CNTNAP5: variants seen among roughly 807,000 people sequenced by gnomAD.
CNTNAP5 encodes the protein contactin-associated protein-like 5.
A neutral mutation model predicts 150.2 loss-of-function variants in CNTNAP5; 72 were observed. The ratio of observed to expected loss-of-function variants is 0.48; its 90% CI spans 0.40 to 0.58. CNTNAP5 has a LOEUF of 0.58. Ranked by LOEUF, CNTNAP5 falls within the 20% of genes least tolerant of loss-of-function variation. CNTNAP5 has a pLI of 0.00. For synonymous variants in CNTNAP5, 672 were observed against 619.8 expected (o/e 1.08, Z -1.25); for missense variants, 1,636 against 1,626.2 (o/e 1.01, Z -0.10).
At chr2:124,670,421 T>A (rs1471570305) in intron 13 of CNTNAP5, among the ~76,000 whole-genome samples, 1 of 151,972 alleles carries the variant, frequency 6.6e-6, no homozygotes, top group Non-Finnish European at 1.5e-5. Context: ...ATTGAGTTGT[T>A]TGTCTTTTTG....
At chr2:124,692,937 C>T (rs967503632) in intron 13 of CNTNAP5, among the ~76,000 whole-genome samples, 1 of 152,070 alleles carries the variant, frequency 6.6e-6, no homozygotes, top group African/African-American at 2.4e-5. Flanking sequence ...CTTGTGATTC[C>T]CCAAAGGGCA....
At chr2:124,822,314 A>G (rs1053465945) in intron 19 of CNTNAP5, among the ~76,000 whole-genome samples, 22 of 152,116 alleles carry the variant, frequency 1.4e-4, no homozygotes, top group African/African-American at 4.6e-4. Context: ...GTATTTTTCC[A>G]TTAAAATTCT....
At chr2:124,288,457 A>G (rs1483926801) in intron 3 of CNTNAP5, among the ~76,000 whole-genome samples, 1 of 152,158 alleles carries the variant, frequency 6.6e-6, no homozygotes, top group Non-Finnish European at 1.5e-5. Context: ...GCCTCCTCAC[A>G]AGGAGATGTG....
chr2:124,250,926 T>C (rs1687157155), intron 3 of CNTNAP5, among the ~76,000 whole-genome samples: 1 of 152,062 alleles, frequency 6.6e-6, no homozygotes, highest in Non-Finnish European at 1.5e-5. Context: ...TTAAGTACGG[T>C]TTCCAGTTTT....
At chr2:124,161,177 C>T (rs1287527548) in intron 1 of CNTNAP5, among the ~76,000 whole-genome samples, 4 of 151,944 alleles carry the variant, frequency 2.6e-5, no homozygotes, top group African/African-American at 9.7e-5. Context: ...TTTAACAACC[C>T]CGAAAAGTAG....
At chr2:124,564,176 CCTCTG>C (rs966572830) in intron 11 of CNTNAP5, among the ~76,000 whole-genome samples, 1 of 152,022 alleles carries the variant, frequency 6.6e-6, no homozygotes, top group African/African-American at 2.4e-5. Context: ...GCACAGGGGT[CCTCTG>C]CTCTGTGGAA....
chr2:124,713,396 G>A (rs776817061), intron 13 of CNTNAP5, among the ~76,000 whole-genome samples: 37 of 98,924 alleles, frequency 3.7e-4, no homozygotes, highest in African/African-American at 1.3e-3. Context: ...CTCTTTTTTT[G>A]AGATAGAGTC....
intron 13 of CNTNAP5, among the ~76,000 whole-genome samples, chr2:124,713,107 A>G (rs1219614578): frequency 6.6e-6 from 1 of 151,892 alleles, no homozygotes; most frequent in Non-Finnish European, 1.5e-5. Context: ...AATTTCTACT[A>G]CTATGGGACT....
intron 3 of CNTNAP5, among the ~76,000 whole-genome samples, chr2:124,328,241 C>A (rs1470091951): frequency 6.6e-6 from 1 of 151,856 alleles, no homozygotes; most frequent in East Asian, 1.9e-4. Flanking sequence ...AAAAATTCCA[C>A]AGGGGAAAAG....
At chr2:124,271,665 C>CTA (rs1309381877) in intron 3 of CNTNAP5, among the ~76,000 whole-genome samples, 3 of 115,006 alleles carry the variant, frequency 2.6e-5, no homozygotes, top group Admixed American at 1.9e-4. Context: ...TTTAATCTAT[C>CTA]TATCTATCTA....
At chr2:124,804,412 T>C (rs1048332725) in intron 19 of CNTNAP5, among the ~76,000 whole-genome samples, 2 of 152,214 alleles carry the variant, frequency 1.3e-5, no homozygotes, top group East Asian at 3.8e-4. Flanking sequence ...TTATGCTTTA[T>C]TTTCTGATAT....
At chr2:124,779,689 T>C (rs1255631764) in intron 17 of CNTNAP5, among the ~76,000 whole-genome samples, 1 of 152,226 alleles carries the variant, frequency 6.6e-6, no homozygotes, top group African/African-American at 2.4e-5. Flanking sequence ...AGACCAAGTT[T>C]GCATGGTTTT....
chr2:124,790,213 TACTC>T (rs1297970490), intron 18 of CNTNAP5, 72 bp downstream of exon 18: 16 of 1,449,342 alleles, frequency 1.1e-5, no homozygotes, highest in African/African-American at 7.1e-5. Context: ...GGCCATGTGA[TACTC>T]ACACTCTGAG....
chr2:124,453,140 A>C (rs1363313546), intron 6 of CNTNAP5, among the ~76,000 whole-genome samples: 1 of 152,124 alleles, frequency 6.6e-6, no homozygotes, highest in Non-Finnish European at 1.5e-5. Context: ...ATCATGCAAG[A>C]AGTGAAGGGA....
chr2:124,226,336 C>A (rs576177104), intron 2 of CNTNAP5, among the ~76,000 whole-genome samples: 2 of 152,130 alleles, frequency 1.3e-5, no homozygotes, highest in East Asian at 1.9e-4. Context: ...GTTTTGATTT[C>A]TATTTTCCTG....
intron 7 of CNTNAP5, among the ~76,000 whole-genome samples, chr2:124,488,771 G>A (rs1458733111): frequency 6.6e-6 from 1 of 152,204 alleles, no homozygotes; most frequent in East Asian, 1.9e-4. Context: ...GATGAAAGGT[G>A]AAGAAGAATG....
intron 11 of CNTNAP5, among the ~76,000 whole-genome samples, chr2:124,603,525 A>G (rs1697032063): frequency 1.3e-5 from 2 of 152,182 alleles, no homozygotes; most frequent in Admixed American, 1.3e-4. Context: ...CCTTTATCTC[A>G]CTGGGCATTA....
At chr2:124,827,793 C>T (rs916181759) in intron 19 of CNTNAP5, among the ~76,000 whole-genome samples, 3 of 152,146 alleles carry the variant, frequency 2.0e-5, no homozygotes, top group Non-Finnish European at 4.4e-5. Flanking sequence ...TATTGTATGC[C>T]ATAATAGAGT....
At chr2:124,589,719 A>G (rs1696636883) in intron 11 of CNTNAP5, among the ~76,000 whole-genome samples, 1 of 152,200 alleles carries the variant, frequency 6.6e-6, no homozygotes, top group African/African-American at 2.4e-5. Context: ...GGTATACTAT[A>G]TGGAGCTTAC....
Sources: gnomAD v4.1 joint callset for allele counts (sites outside exome capture counted in the v4.1 genomes callset) on GRCh38, gnomAD v4.1.1 for gene constraint, MANE v1.5 for transcripts, NCBI Gene and HGNC (gene_info 2026-07-23, HGNC 2026-07-21) for gene names.